CDYL2: variants seen among roughly 807,000 people sequenced by gnomAD.
CDYL2 encodes the protein chromodomain Y like 2, also known as chromodomain Y-like protein 2.
CDYL2 carries 23 observed loss-of-function variants against 49.4 expected under a neutral mutation model. That is an observed-to-expected ratio of 0.47 (90% CI 0.34 to 0.66). The LOEUF (loss-of-function observed/expected upper bound fraction) is 0.66, where lower values mean the gene tolerates loss of function less well. Among genes scored for constraint, CDYL2 ranks in the 30% least tolerant of loss-of-function variants. The probability of loss-of-function intolerance (pLI) is 0.01; values close to 1 mark genes in which losing one functional copy is unlikely to be tolerated. For missense variants in CDYL2, 678 were observed against 656.4 expected, an observed-to-expected ratio of 1.03 and a Z score of -0.36; for synonymous variants, 360 against 268.8, an observed-to-expected ratio of 1.34 and a Z score of -3.32.
rs73595115 is a variant in CDYL2, at chr16:80,708,619, G to C, written c.25-23490C>G. ...AGGATGAGGCTCAGAAAGGATTTCTGTCAAGGAGAAAACTCAACCTGTCCC... is the reference window on the plus strand; with the variant it reads ...AGGATGAGGCTCAGAAAGGATTTCTCTCAAGGAGAAAACTCAACCTGTCCC... On this transcript the variant is annotated intron_variant, in intron 1 of 6. Transcript: ENST00000570137. Among the ~76,000 whole-genome samples the C allele has an allele frequency of 8.7e-4, 133 of 152,260 alleles. 1 individual carries two copies. Among genetic ancestry groups the C allele is most frequent in the African/African-American group, 3.0e-3 (123 of 41,552 alleles).
chr16:80,608,867 C>T (rs928216667), intron 5 of CDYL2, among the ~76,000 whole-genome samples: 76 of 152,182 alleles, frequency 5.0e-4, no homozygotes, highest in African/African-American at 1.6e-3. Context: ...GCCCTGTCTC[C>T]CCAAGGGAAC....
intron 2 of CDYL2, among the ~76,000 whole-genome samples, chr16:80,682,928 G>A (rs1910027288): frequency 6.6e-6 from 1 of 152,144 alleles, no homozygotes; most frequent in Admixed American, 6.5e-5. Flanking sequence ...GTCAGTCTGG[G>A]GCAAAGATGC....
intron 1 of CDYL2, among the ~76,000 whole-genome samples, chr16:80,747,785 C>G (rs1443706282): frequency 6.6e-6 from 1 of 152,112 alleles, no homozygotes; most frequent in Non-Finnish European, 1.5e-5. Flanking sequence ...TACACCCTGC[C>G]AAGTCTCATC....
At chr16:80,761,399 T>G (rs1906523705) in intron 1 of CDYL2, among the ~76,000 whole-genome samples, 1 of 152,232 alleles carries the variant, frequency 6.6e-6, no homozygotes, top group Non-Finnish European at 1.5e-5. Flanking sequence ...ACGGTTGTTG[T>G]AAGATTATAA....
At chr16:80,626,855 T>C (rs186741900) in intron 3 of CDYL2, among the ~76,000 whole-genome samples, 1 of 152,330 alleles carries the variant, frequency 6.6e-6, no homozygotes, top group Admixed American at 6.5e-5. Context: ...GCACCAGGAA[T>C]TTTATTCCAA....
chr16:80,780,977 A>C (rs1180206950), intron 1 of CDYL2, among the ~76,000 whole-genome samples: 1 of 152,214 alleles, frequency 6.6e-6, no homozygotes, highest in Non-Finnish European at 1.5e-5. Context: ...GTGATGTCTT[A>C]ACTTACCCTA....
chr16:80,640,994 C>A (rs1367461533), intron 2 of CDYL2, among the ~76,000 whole-genome samples: 1 of 151,960 alleles, frequency 6.6e-6, no homozygotes, highest in East Asian at 1.9e-4. Flanking sequence ...GAGTTACTGG[C>A]CTTAAAGAGG....
At chr16:80,775,534 C>A (rs1046611025) in intron 1 of CDYL2, among the ~76,000 whole-genome samples, 8 of 151,354 alleles carry the variant, frequency 5.3e-5, no homozygotes, top group Admixed American at 3.3e-4. Context: ...GATTTAAGAA[C>A]AGCCATTACA....
chr16:80,677,482 G>T (rs1247147382), intron 2 of CDYL2, among the ~76,000 whole-genome samples: 2 of 151,806 alleles, frequency 1.3e-5, no homozygotes, highest in Non-Finnish European at 2.9e-5. Context: ...CGCACGCCTG[G>T]AATCCCAGCA....
At chr16:80,784,866 T>G (rs1456886393) in intron 1 of CDYL2, among the ~76,000 whole-genome samples, 2 of 152,054 alleles carry the variant, frequency 1.3e-5, no homozygotes, top group Non-Finnish European at 2.9e-5. Flanking sequence ...CAGGGAGGCA[T>G]CCTTAGTGAA....
At chr16:80,690,127 A>T (rs113128588) in intron 1 of CDYL2, among the ~76,000 whole-genome samples, 2 of 147,368 alleles carry the variant, frequency 1.4e-5, no homozygotes, top group Non-Finnish European at 3.0e-5. Flanking sequence ...TCTCAAAAAT[A>T]AAAAAAAAAT....
chr16:80,672,126 G>C (rs983146944), intron 2 of CDYL2, among the ~76,000 whole-genome samples: 1 of 152,104 alleles, frequency 6.6e-6, no homozygotes, highest in African/African-American at 2.4e-5. Flanking sequence ...TTGATGCTCA[G>C]AAAGTTCTGG....
intron 2 of CDYL2, among the ~76,000 whole-genome samples, chr16:80,657,124 G>C (rs906502853): frequency 1.3e-5 from 2 of 152,274 alleles, no homozygotes; most frequent in South Asian, 4.1e-4. Context: ...GACAGCTCAC[G>C]CTTAGAAAAC....
chr16:80,698,442 A>G (rs918744591), intron 1 of CDYL2, among the ~76,000 whole-genome samples: 20 of 152,322 alleles, frequency 1.3e-4, no homozygotes, highest in African/African-American at 4.3e-4. Context: ...AAATGGGCCA[A>G]TGATCTGAAA....
In CDYL2 at chr16:80,600,014, TTTTTTGC is replaced by T. The variant is rs1458298645; in HGVS notation, c.*4367_*4373del. 1 of 152,190 alleles carries T rather than the reference TTTTTTGC, an allele frequency of 6.6e-6. No homozygotes were observed. Among genetic ancestry groups the T allele is most frequent in the Non-Finnish European group, 1.5e-5 (1 of 68,030 alleles). 9.4% of individuals were successfully genotyped at this position (152,190 alleles called of 1,614,324 possible). On this transcript the variant is annotated 3_prime_UTR_variant, in exon 7 of 7. Coordinates refer to ENST00000570137, the MANE Select transcript of CDYL2 (RefSeq NM_152342.4). ...ACAACCCGTATTACCCTTTTTAAATTTTTTTGCAACAAGCTTAAGGCTCTGTTCACAA... is the reference window on the plus strand; with the variant it reads ...ACAACCCGTATTACCCTTTTTAAATTAACAAGCTTAAGGCTCTGTTCACAA...
At chr16:80,721,300 G>C (rs1904990646) in intron 1 of CDYL2, among the ~76,000 whole-genome samples, 1 of 152,112 alleles carries the variant, frequency 6.6e-6, no homozygotes, top group Admixed American at 6.5e-5. Context: ...ATTCCCATTT[G>C]ATACCTAAGA....
At chr16:80,617,446 G>A (rs975864930) in intron 4 of CDYL2, among the ~76,000 whole-genome samples, 2 of 152,246 alleles carry the variant, frequency 1.3e-5, no homozygotes, top group Non-Finnish European at 2.9e-5. Context: ...AGCAGGCACA[G>A]AACTTGCAGT....
rs539289270 is a variant in CDYL2, at chr16:80,795,696, G to A, written c.24+8454C>T. Among the ~76,000 whole-genome samples, 8 of 152,244 alleles carry A rather than the reference G, an allele frequency of 5.3e-5. No individual in the cohort carries two copies. The South Asian group carries it at 1.7e-3, about 32-fold the overall frequency. On this transcript the variant is annotated intron_variant, in intron 1 of 6. Coordinates refer to ENST00000570137, the MANE Select transcript of CDYL2 (RefSeq NM_152342.4). ...AGGCCCAGGATAGGCCTCTCCTCAA[G>A]GTCCAGCACCACCATGCCTGCCATC...
At chr16:80,628,543 C>T (rs976467244) in intron 3 of CDYL2, among the ~76,000 whole-genome samples, 3 of 152,210 alleles carry the variant, frequency 2.0e-5, no homozygotes, top group African/African-American at 4.8e-5. Flanking sequence ...CTCCACTTGA[C>T]AGCAGCCTTG....
Sources: allele counts gnomAD v4.1 joint callset (sites outside exome capture counted in the v4.1 genomes callset), GRCh38; gene constraint gnomAD v4.1.1; transcripts MANE v1.5; gene names NCBI Gene and HGNC (gene_info 2026-07-23, HGNC 2026-07-21).